Variants in CDH13 observed in about 807,000 individuals in gnomAD.
CDH13 encodes the protein cadherin 13, also known as cadherin-13.
Under a neutral mutation model 63.8 loss-of-function variants are expected in CDH13, and 24 were observed. The ratio of observed to expected loss-of-function variants is 0.38; its 90% CI spans 0.27 to 0.53. The LOEUF (loss-of-function observed/expected upper bound fraction) is 0.53. CDH13 is among the 20% of genes least tolerant of loss of function. The pLI is 0.85. For synonymous variants in CDH13, 503 were observed against 355.3 expected, an observed-to-expected ratio of 1.42 and a Z score of -4.67; for missense variants, 1,049 against 903.1, an observed-to-expected ratio of 1.16 and a Z score of -2.07.
intron 3 of CDH13, among the ~76,000 whole-genome samples, chr16:83,100,088 G>C (rs1369983675): frequency 6.6e-6 from 1 of 152,106 alleles, no homozygotes; most frequent in East Asian, 1.9e-4. Context: ...TTTTCAACTA[G>C]ATTAACTCAT....
intron 5 of CDH13, among the ~76,000 whole-genome samples, chr16:83,330,027 C>T (rs2090448076): frequency 6.6e-6 from 1 of 152,174 alleles, no homozygotes; most frequent in Non-Finnish European, 1.5e-5. Context: ...GCTTTCAAAT[C>T]TTTTGGATGT....
At chr16:83,378,504 C>G (rs1176385171) in intron 6 of CDH13, among the ~76,000 whole-genome samples, 2 of 152,124 alleles carry the variant, frequency 1.3e-5, no homozygotes, top group African/African-American at 4.8e-5. Context: ...ATAAAGGGGT[C>G]CCCTTCAGTT....
intron 3 of CDH13, among the ~76,000 whole-genome samples, chr16:83,094,076 A>G (rs1394730900): frequency 6.6e-6 from 1 of 152,226 alleles, no homozygotes; most frequent in Admixed American, 6.5e-5. Context: ...TGAAAATCTC[A>G]GGATATATTA....
At chr16:83,480,007 C>T (rs999585759) in intron 6 of CDH13, among the ~76,000 whole-genome samples, 1 of 152,156 alleles carries the variant, frequency 6.6e-6, no homozygotes, top group Non-Finnish European at 1.5e-5. Flanking sequence ...TCCAACAACC[C>T]ATGAGAGAAG....
At position 83,047,758 on chromosome 16, in the gene CDH13, C is replaced by T. The variant is rs1466170696; in HGVS notation, c.366+15540C>T. Among the ~76,000 whole-genome samples the T allele has an allele frequency of 5.9e-5, 9 of 152,288 alleles. No homozygotes were observed. In the East Asian group the frequency reaches 1.5e-3, roughly 26 times the overall value. On this transcript the variant is annotated intron_variant, in intron 3 of 13. Transcript: ENST00000567109. The surrounding 1 kb of genome is among the most constrained non-coding windows in gnomAD (Gnocchi z 4.9). ...GAATATTGATATTAATAATGCAGATCGTAGTCAATTTATTTAGCTCAAACG... is the reference window on the plus strand; with the variant it reads ...GAATATTGATATTAATAATGCAGATTGTAGTCAATTTATTTAGCTCAAACG...
At chr16:83,677,664 A>T (rs191541629) in intron 9 of CDH13, among the ~76,000 whole-genome samples, 428 of 152,274 alleles carry the variant, frequency 2.8e-3, no homozygotes, top group South Asian at 7.3e-3. Context: ...AGAAACATTA[A>T]ATATAAAACT....
At chr16:83,630,187 G>A (rs891478545) in intron 8 of CDH13, among the ~76,000 whole-genome samples, 3 of 152,140 alleles carry the variant, frequency 2.0e-5, no homozygotes, top group African/African-American at 7.2e-5. Flanking sequence ...TAACCTCTCT[G>A]AGATCTGGGT....
At chr16:83,326,510 A>G (rs1477952774) in intron 5 of CDH13, among the ~76,000 whole-genome samples, 1 of 151,986 alleles carries the variant, frequency 6.6e-6, no homozygotes, top group East Asian at 1.9e-4. Context: ...GTGACCTACA[A>G]GAATGGCAGG....
At chr16:83,406,578 C>G (rs957878949) in intron 6 of CDH13, among the ~76,000 whole-genome samples, 4 of 152,146 alleles carry the variant, frequency 2.6e-5, no homozygotes, top group South Asian at 2.1e-4. Flanking sequence ...ATTCTCCTGC[C>G]TTAGCCTCCC....
At chr16:83,559,928 C>T (rs753025566) in intron 7 of CDH13, among the ~76,000 whole-genome samples, 2 of 152,104 alleles carry the variant, frequency 1.3e-5, no homozygotes, top group Non-Finnish European at 2.9e-5. Flanking sequence ...TAAATCAGAT[C>T]AAACAGTTGG....
intron 4 of CDH13, among the ~76,000 whole-genome samples, chr16:83,138,557 A>C (rs7200240): frequency 0.21 from 32,063 of 152,174 alleles, 3,764 homozygotes; most frequent in Non-Finnish European, 0.26. Context: ...AATAATTCAA[A>C]GTGGCTGTGA....
intron 8 of CDH13, among the ~76,000 whole-genome samples, chr16:83,635,593 C>T (rs901904498): frequency 3.3e-5 from 5 of 152,032 alleles, no homozygotes; most frequent in East Asian, 1.9e-4. Context: ...CTGCCTGCCT[C>T]GGCATCCCAA....
intron 8 of CDH13, among the ~76,000 whole-genome samples, chr16:83,644,724 G>A: frequency 6.6e-6 from 1 of 152,166 alleles, no homozygotes. Flanking sequence ...TGGAATTCTA[G>A]GCCTGTGAAT....
rs373577895 is a variant in CDH13, at chr16:83,305,770, T to A, written c.637-39092T>A. Among the ~76,000 whole-genome samples the A allele has an allele frequency of 9.8e-5, 15 of 152,302 alleles. No individual in the cohort carries two copies. The East Asian group carries it at 2.5e-3, about 26-fold the overall frequency. ...GGGATTAATACTACTTACCTTAGGA[T>A]GTTGGTGAACAGATATTATACTGTA... is the stretch of plus-strand genomic sequence containing the variant. On this transcript the variant is annotated intron_variant, in intron 5 of 13. Transcript: ENST00000567109.
At chr16:83,669,546 C>T (rs1914316594) in intron 8 of CDH13, among the ~76,000 whole-genome samples, 1 of 152,114 alleles carries the variant, frequency 6.6e-6, no homozygotes, top group South Asian at 2.1e-4. Flanking sequence ...TATTTTCTAG[C>T]CTCCATGCAT....
intron 2 of CDH13, among the ~76,000 whole-genome samples, chr16:82,920,313 C>G (rs1567662475): frequency 6.6e-6 from 1 of 152,162 alleles, no homozygotes; most frequent in Non-Finnish European, 1.5e-5. Flanking sequence ...AAGGTAGTTG[C>G]CAGCAGCTCC....
intron 10 of CDH13, among the ~76,000 whole-genome samples, chr16:83,690,456 C>T (rs908787788): frequency 6.6e-6 from 1 of 152,082 alleles, no homozygotes; most frequent in African/African-American, 2.4e-5. Context: ...GTGGGAAGGC[C>T]CCGAGGCAGA....
chr16:82,740,457 T>C (rs1189642488), intron 1 of CDH13, among the ~76,000 whole-genome samples: 4 of 152,192 alleles, frequency 2.6e-5, no homozygotes, highest in Non-Finnish European at 5.9e-5. Flanking sequence ...TGTATCTAGA[T>C]AGGGGTGGAA....
intron 2 of CDH13, among the ~76,000 whole-genome samples, chr16:82,915,834 G>T (rs1171881693): frequency 6.7e-6 from 1 of 149,628 alleles, no homozygotes; most frequent in South Asian, 2.2e-4. Flanking sequence ...TAGGCATGTT[G>T]CATTTTTTGG....
Sources: allele counts gnomAD v4.1 joint callset (sites outside exome capture counted in the v4.1 genomes callset), GRCh38; gene constraint gnomAD v4.1.1; non-coding constraint Gnocchi (gnomAD v3.1); transcripts MANE v1.5; gene names NCBI Gene and HGNC (gene_info 2026-07-23, HGNC 2026-07-21).